Variants in WWOX observed in about 807,000 individuals in gnomAD.
WWOX encodes the protein WW domain-containing oxidoreductase.
A neutral mutation model predicts 46.2 loss-of-function variants in WWOX; 69 were observed. That is an observed-to-expected ratio of 1.49 (90% CI 1.23 to 1.82). The LOEUF is 1.82. Among genes scored for constraint, WWOX ranks in the 40% most tolerant of loss-of-function variants. The probability of loss-of-function intolerance (pLI) is 0.00; values close to 1 mark genes in which losing one functional copy is unlikely to be tolerated. For synonymous variants in WWOX, 359 were observed against 202.6 expected (o/e 1.77, Z -6.56); for missense variants, 919 against 542.6 (o/e 1.69, Z -6.89).
chr16:78,683,134 G>A (rs1268314810), intron 8 of WWOX, among the ~76,000 whole-genome samples: 2 of 152,110 alleles, frequency 1.3e-5, no homozygotes, highest in African/African-American at 4.8e-5. Flanking sequence ...TCGATTTCCA[G>A]TTTCCAAAAG....
At chr16:78,645,977 C>T (rs890007752) in intron 8 of WWOX, among the ~76,000 whole-genome samples, 8 of 152,142 alleles carry the variant, frequency 5.3e-5, no homozygotes, top group Non-Finnish European at 1.0e-4. Context: ...CCTGGCTCTG[C>T]TCCTTCTCTC....
chr16:78,663,967 T>C (rs1160656889), intron 8 of WWOX, among the ~76,000 whole-genome samples: 1 of 152,210 alleles, frequency 6.6e-6, no homozygotes, highest in Non-Finnish European at 1.5e-5. Flanking sequence ...GCAGCCACTG[T>C]ATGACGTCTG....
rs879592229 is a variant in WWOX at position 78,894,049 on chromosome 16, T to TATTATTATTATTATTATTATA, written c.1057-317557_1057-317556insTATTATTATTATTATTATAAT. Among the ~76,000 whole-genome samples, 404 of 148,110 alleles carry TATTATTATTATTATTATTATA rather than the reference T, an allele frequency of 2.7e-3. 3 individuals carry two copies. Among genetic ancestry groups the TATTATTATTATTATTATTATA allele is most frequent in the Admixed American group, 0.02 (290 of 14,694 alleles). Reference sequence around the variant, plus strand: ...TTATTATTATTATTATTATTATTATTATATTTTGAGACAGGGTCTTGCTTT... The same window carrying TATTATTATTATTATTATTATA: ...TTATTATTATTATTATTATTATTATTATTATTATTATTATTATTATAATATTTTGAGACAGGGTCTTGCTTT... On this transcript the variant is annotated intron_variant, in intron 8 of 8. Coordinates refer to ENST00000566780, the MANE Select transcript of WWOX (RefSeq NM_016373.4).
chr16:78,848,458 C>G (rs2052356373), intron 8 of WWOX, among the ~76,000 whole-genome samples: 1 of 152,160 alleles, frequency 6.6e-6, no homozygotes, highest in African/African-American at 2.4e-5. Flanking sequence ...TTTATCAGCT[C>G]ACACCAAGGA....
At chr16:78,262,991 A>AT (rs2079278386) in intron 5 of WWOX, among the ~76,000 whole-genome samples, 1 of 152,122 alleles carries the variant, frequency 6.6e-6, no homozygotes, top group East Asian at 1.9e-4. Context: ...GGCTTGCCTT[A>AT]TTTTTTCAGG....
intron 8 of WWOX, among the ~76,000 whole-genome samples, chr16:79,147,540 A>G (rs1301848162): frequency 1.3e-5 from 2 of 152,232 alleles, no homozygotes; most frequent in Non-Finnish European, 2.9e-5. Context: ...ATTGAAAGTA[A>G]TGCTATTATA....
intron 4 of WWOX, among the ~76,000 whole-genome samples, chr16:78,153,997 A>G (rs2151724358): frequency 6.6e-6 from 1 of 152,120 alleles, no homozygotes; most frequent in East Asian, 1.9e-4. Context: ...GACTGTCCCC[A>G]CCTGTCCAAC....
chr16:78,597,495 C>T (rs1443337302), intron 8 of WWOX, among the ~76,000 whole-genome samples: 2 of 152,118 alleles, frequency 1.3e-5, no homozygotes, highest in Non-Finnish European at 2.9e-5. Flanking sequence ...TTGTGGCCGC[C>T]CACCCCACAA....
intron 8 of WWOX, among the ~76,000 whole-genome samples, chr16:78,988,913 A>C (rs1314340335): frequency 6.6e-6 from 1 of 152,106 alleles, no homozygotes; most frequent in Non-Finnish European, 1.5e-5. Flanking sequence ...AAGCAGATAC[A>C]CGTGCTTCTT....
At chr16:78,775,775 T>G (rs2050175360) in intron 8 of WWOX, among the ~76,000 whole-genome samples, 1 of 152,248 alleles carries the variant, frequency 6.6e-6, no homozygotes, top group Non-Finnish European at 1.5e-5. Flanking sequence ...TATTTTTCCT[T>G]TAGCCAATGG....
intron 8 of WWOX, among the ~76,000 whole-genome samples, chr16:78,654,002 C>G (rs377084062): frequency 5.3e-4 from 81 of 152,322 alleles, no homozygotes; most frequent in African/African-American, 1.9e-3. Flanking sequence ...AAGATCTGCT[C>G]AAGGTCGTAT....
intron 8 of WWOX, among the ~76,000 whole-genome samples, chr16:78,774,849 G>C (rs777558969): frequency 2.6e-5 from 4 of 152,188 alleles, no homozygotes; most frequent in Non-Finnish European, 5.9e-5. Flanking sequence ...CATTCTGCAA[G>C]TCCATCCCCT....
chr16:78,947,096 C>A (rs894126580), intron 8 of WWOX, among the ~76,000 whole-genome samples: 2 of 148,826 alleles, frequency 1.3e-5, no homozygotes, highest in Non-Finnish European at 1.5e-5. Context: ...CAATAAATCC[C>A]TGTGGAAAAA....
chr16:78,538,454 C>T (rs892555900), intron 8 of WWOX, among the ~76,000 whole-genome samples: 5 of 152,068 alleles, frequency 3.3e-5, no homozygotes, highest in Non-Finnish European at 2.9e-5. Flanking sequence ...ACGGGCTTTC[C>T]CACTGTAATG....
At chr16:78,724,376 A>T (rs751766784) in intron 8 of WWOX, among the ~76,000 whole-genome samples, 3 of 151,944 alleles carry the variant, frequency 2.0e-5, no homozygotes, top group Admixed American at 2.0e-4. Context: ...CTCCTAAAAT[A>T]TTTTTTTTCC....
At chr16:78,527,757 C>T (rs186243027) in intron 8 of WWOX, among the ~76,000 whole-genome samples, 22 of 151,962 alleles carry the variant, frequency 1.4e-4, no homozygotes, top group African/African-American at 4.6e-4. Flanking sequence ...TATTGCCTGC[C>T]AGGGAATGCA....
In WWOX at chr16:78,707,424, G is replaced by A. The variant is rs568437210; in HGVS notation, c.1056+274672G>A. 7.9e-4 allele frequency among the ~76,000 whole-genome samples: 121 copies of A among 152,322 alleles called. 1 individual carries two copies. The highest frequency in any genetic ancestry group is 2.8e-3 in the African/African-American group (115 of 41,584). ...GAGCATTGCTCCTTTTTATGCACAA[G>A]CATCAGAGGTTCTGGACATCTTCTT... On this transcript the variant is annotated intron_variant, in intron 8 of 8. Transcript: ENST00000566780.
intron 8 of WWOX, among the ~76,000 whole-genome samples, chr16:78,537,668 C>G (rs767773984): frequency 1.4e-4 from 21 of 152,118 alleles, no homozygotes; most frequent in South Asian, 6.2e-4. Flanking sequence ...ACAACTGTCT[C>G]GGGGGCTGGA....
At chr16:78,712,525 G>T (rs1044103365) in intron 8 of WWOX, among the ~76,000 whole-genome samples, 3 of 151,394 alleles carry the variant, frequency 2.0e-5, no homozygotes, top group Admixed American at 1.3e-4. Flanking sequence ...GTCTTATATT[G>T]ATTAAAAGAG....
Sources: gnomAD v4.1 joint callset for allele counts (sites outside exome capture counted in the v4.1 genomes callset) on GRCh38, gnomAD v4.1.1 for gene constraint, MANE v1.5 for transcripts, NCBI Gene and HGNC (gene_info 2026-07-23, HGNC 2026-07-21) for gene names.